Variants in PPP4R3B observed in about 807,000 individuals in gnomAD.
The protein encoded by PPP4R3B is serine/threonine-protein phosphatase 4 regulatory subunit 3B.
PPP4R3B carries 52 observed loss-of-function variants against 95.4 expected under a neutral mutation model. The observed-to-expected ratio is 0.54, with a 90% CI of 0.44 to 0.69. The LOEUF (loss-of-function observed/expected upper bound fraction) is 0.69. Among genes scored for constraint, PPP4R3B ranks in the 30% least tolerant of loss-of-function variants. PPP4R3B has a pLI of 0.00. For synonymous variants in PPP4R3B, 407 were observed against 343.9 expected (o/e 1.18, Z -2.03); for missense variants, 1,003 against 1,005.9 (o/e 1.00, Z 0.04).
chr2:55,549,893 G>A lies in PPP4R3B; in HGVS notation c.*18C>T, dbSNP rs1685048416. On this transcript the variant is annotated 3_prime_UTR_variant, in exon 17 of 17. Coordinates refer to ENST00000616407, the MANE Select transcript of PPP4R3B (RefSeq NM_001122964.3). ...CAGCATTGTAAGACCACATGTTGAG[G>A]GTCCCCTAATAAATATTTTATGAGC... 3 of 1,567,860 alleles carry A rather than the reference G, an allele frequency of 1.9e-6. No homozygotes were observed. The highest frequency in any genetic ancestry group is 1.4e-5 in the African/African-American group (1 of 73,950).
chr2:55,590,171 T>A (rs930275716), intron 4 of PPP4R3B, among the ~76,000 whole-genome samples: 1 of 148,860 alleles, frequency 6.7e-6, no homozygotes, highest in Non-Finnish European at 1.5e-5. Flanking sequence ...CCACTAAAAA[T>A]ACAAAACTAG....
chr2:55,590,724 C>T (rs1241054452), intron 4 of PPP4R3B, among the ~76,000 whole-genome samples: 2 of 152,168 alleles, frequency 1.3e-5, no homozygotes, highest in Non-Finnish European at 2.9e-5. Context: ...ACAATAGTAT[C>T]TGTAGAGTTG....
intron 7 of PPP4R3B, among the ~76,000 whole-genome samples, chr2:55,581,964 G>C (rs1013978307): frequency 1.4e-4 from 22 of 151,874 alleles, no homozygotes; most frequent in African/African-American, 5.3e-4. Flanking sequence ...TCAACTTATA[G>C]GAAGTGGAAA....
At chr2:55,582,498 C>G (rs546458948) in intron 7 of PPP4R3B, among the ~76,000 whole-genome samples, 22 of 152,142 alleles carry the variant, frequency 1.4e-4, no homozygotes, top group Non-Finnish European at 2.5e-4. Flanking sequence ...TAAAGAAAAT[C>G]AGATGTTCAA....
intron 1 of PPP4R3B, 96 bp downstream of exon 1, chr2:55,617,048 G>T: frequency 7.1e-7 from 1 of 1,416,702 alleles, no homozygotes; most frequent in Non-Finnish European, 9.5e-7. Context: ...GCGCTGTCCC[G>T]AAGGAGTAGC....
At chr2:55,584,270 A>G (rs1158377128) in intron 7 of PPP4R3B, among the ~76,000 whole-genome samples, 1 of 152,210 alleles carries the variant, frequency 6.6e-6, no homozygotes, top group East Asian at 1.9e-4. Flanking sequence ...TCCTTAAAAT[A>G]GCTTAAGGGG....
At chr2:55,596,594 A>C (rs113076274) in intron 4 of PPP4R3B, among the ~76,000 whole-genome samples, 13,768 of 152,310 alleles carry the variant, frequency 0.09, 759 homozygotes, top group South Asian at 0.14. Context: ...TTTTGTGGCA[A>C]AGTTATCTCA....
chr2:55,584,686 CA>C (rs1559000263), intron 7 of PPP4R3B, among the ~76,000 whole-genome samples: 1 of 152,150 alleles, frequency 6.6e-6, no homozygotes. Flanking sequence ...CTACTTAAAA[CA>C]TATTTTTTGA....
intron 4 of PPP4R3B, among the ~76,000 whole-genome samples, chr2:55,593,957 T>C (rs189056790): frequency 1.3e-5 from 2 of 152,290 alleles, no homozygotes; most frequent in Admixed American, 6.5e-5. Flanking sequence ...GGGGTGTATA[T>C]ATACACTGTG....
intron 13 of PPP4R3B, among the ~76,000 whole-genome samples, chr2:55,566,039 C>A (rs1002907541): frequency 2.6e-5 from 4 of 151,966 alleles, no homozygotes; most frequent in Non-Finnish European, 5.9e-5. Flanking sequence ...AAATTCTAAA[C>A]CATCACTGCA....
Position 55,598,520 on chromosome 2 carries a change from G to T in PPP4R3B, c.817C>A (p.Gln273Lys). 6.2e-7 allele frequency: 1 copy of T among 1,614,162 alleles called. No homozygotes were observed. Among genetic ancestry groups the T allele is most frequent in the Non-Finnish European group, 8.5e-7 (1 of 1,180,036 alleles). The change falls in exon 4 of 17, where the codon CAG (glutamine) becomes AAG (lysine). Residue 273 changes from glutamine to lysine, a missense_variant. By Grantham distance (53) the Gln-to-Lys change is moderately conservative. Around this residue, in one of 3 missense-constraint regions of PPP4R3B, gnomAD observed 695 missense variants for 686.2 expected, o/e 1.01. Coordinates refer to ENST00000616407, the MANE Select transcript of PPP4R3B (RefSeq NM_001122964.3). ...IHQTYRVQYIQDIILPTPSVF... is the reference protein window; with the variant it reads ...IHQTYRVQYIKDIILPTPSVF... ...GATGGTGTGGGCAAAATGATGTCCTGAATGTACTGTACCCTGTAAGTCTGA... is the reference window on the plus strand; with the variant it reads ...GATGGTGTGGGCAAAATGATGTCCTTAATGTACTGTACCCTGTAAGTCTGA...
Position 55,547,398 on chromosome 2 carries a change from C to T in PPP4R3B, c.*2513G>A, listed in dbSNP as rs1267540125. 6.6e-6 allele frequency: 1 copy of T among 152,178 alleles called. No individual in the cohort carries two copies. The highest frequency in any genetic ancestry group is 2.4e-5 in the African/African-American group (1 of 41,430). 9.4% of individuals were successfully genotyped at this position (152,178 alleles called of 1,614,324 possible). A position where few individuals can be genotyped will look rare whatever the true frequency, so the allele number is the denominator to read the frequency against. On this transcript the variant is annotated 3_prime_UTR_variant, in exon 17 of 17. Transcript: ENST00000616407. ...CATACAAATGTGGGCTTTTGGCTTG[C>T]TTCACTGAATGAAGATAAAGATATA...
chr2:55,617,111 C>T (rs200130552), intron 1 of PPP4R3B, 33 bp downstream of exon 1: 1 of 1,581,760 alleles, frequency 6.3e-7, no homozygotes, highest in South Asian at 1.1e-5. Flanking sequence ...ACCAGAGGCA[C>T]TATCCCCTAT....
intron 16 of PPP4R3B, among the ~76,000 whole-genome samples, chr2:55,553,409 G>A (rs1685473160): frequency 6.6e-6 from 1 of 151,918 alleles, no homozygotes; most frequent in South Asian, 2.1e-4. Flanking sequence ...AAAAAAGCAG[G>A]GCACTACTCT....
At position 55,601,722 on chromosome 2, in the gene PPP4R3B, C is replaced by T. The variant is rs140581690; in HGVS notation, c.297+2256G>A. 3.7e-3 allele frequency among the ~76,000 whole-genome samples: 557 copies of T among 152,282 alleles called. 3 individuals carry two copies. Among genetic ancestry groups the T allele is most frequent in the African/African-American group, 0.011 (462 of 41,556 alleles). ...GACTACGTGGGATTCTAGTAATGTG[C>T]TAGAATCTACCAACTCTTACTTTTC... is the stretch of plus-strand genomic sequence containing the variant. On this transcript the variant is annotated intron_variant, in intron 3 of 16. Coordinates refer to ENST00000616407, the MANE Select transcript of PPP4R3B (RefSeq NM_001122964.3).
intron 2 of PPP4R3B, among the ~76,000 whole-genome samples, chr2:55,609,683 A>C (rs1693905257): frequency 6.7e-6 from 1 of 150,230 alleles, no homozygotes; most frequent in African/African-American, 2.4e-5. Context: ...AAAAAAAAAC[A>C]AAAAAAACAA....
intron 3 of PPP4R3B, among the ~76,000 whole-genome samples, chr2:55,599,696 A>G (rs911346321): frequency 3.9e-5 from 6 of 152,240 alleles, no homozygotes; most frequent in South Asian, 2.1e-4. Context: ...CACTATCAAT[A>G]GGGTTTTTCA....
intron 4 of PPP4R3B, among the ~76,000 whole-genome samples, chr2:55,597,237 A>T (rs1691915580): frequency 6.6e-6 from 1 of 152,168 alleles, no homozygotes; most frequent in Non-Finnish European, 1.5e-5. Flanking sequence ...CTGTAATCCA[A>T]GCACTTTGGG....
intron 4 of PPP4R3B, among the ~76,000 whole-genome samples, chr2:55,592,167 C>G (rs747515861): frequency 5.3e-5 from 8 of 152,244 alleles, no homozygotes; most frequent in Admixed American, 2.0e-4. Context: ...CATATAAACA[C>G]AGAAATTTAG....
Sources: gnomAD v4.1 joint callset for allele counts (sites outside exome capture counted in the v4.1 genomes callset) on GRCh38, gnomAD v4.1.1 for gene constraint, gnomAD v4.1.1 regional missense constraint, MANE v1.5 for transcripts, NCBI Gene and HGNC (gene_info 2026-07-23, HGNC 2026-07-21) for gene names.